Variants in PHLPP2 observed in about 807,000 individuals in gnomAD.
PHLPP2 encodes PH domain and leucine rich repeat protein phosphatase 2.
PHLPP2 carries 66 observed loss-of-function variants against 124.9 expected under a neutral mutation model. That is an observed-to-expected ratio of 0.53 (90% CI 0.43 to 0.65). PHLPP2 has a LOEUF of 0.65. Among genes scored for constraint, PHLPP2 ranks in the 30% least tolerant of loss-of-function variants. The probability of loss-of-function intolerance (pLI) is 0.00; values close to 1 mark genes in which losing one functional copy is unlikely to be tolerated. For synonymous variants in PHLPP2, 681 were observed against 624.7 expected, an observed-to-expected ratio of 1.09 and a Z score of -1.34; for missense variants, 1,685 against 1,600.4, an observed-to-expected ratio of 1.05 and a Z score of -0.90.
chr16:71,708,250 G>A (rs1373685767), intron 2 of PHLPP2, among the ~76,000 whole-genome samples: 1 of 152,098 alleles, frequency 6.6e-6, no homozygotes, highest in Admixed American at 6.6e-5. Flanking sequence ...ACATCCAGAT[G>A]GCCTGAGGCA....
intron 4 of PHLPP2, 34 bp downstream of exon 4, chr16:71,690,485 C>CT: frequency 7.2e-7 from 1 of 1,393,588 alleles, no homozygotes; most frequent in Non-Finnish European, 1.0e-6. Flanking sequence ...TTAAGATGAT[C>CT]AAATGAAAAA....
rs1234453846 is a variant in PHLPP2, at chr16:71,700,519, C to CTTTT, written c.418+2075_418+2078dup. Among the ~76,000 whole-genome samples, 541 of 83,346 alleles carry CTTTT rather than the reference C, an allele frequency of 6.5e-3. 3 individuals carry two copies. Among genetic ancestry groups the CTTTT allele is most frequent in the African/African-American group, 9.3e-3 (193 of 20,672 alleles). 54.7% of individuals were successfully genotyped at this position (83,346 alleles called of 152,430 possible). A position where few individuals can be genotyped will look rare whatever the true frequency, so the allele number is the denominator to read the frequency against. On this transcript the variant is annotated intron_variant, in intron 3 of 18. Transcript: ENST00000568954. ...ATGGGCTGTGTTTAGTGACTCATTT[C>CTTTT]TTTTTTTTTTTTTTTTTTTTTTTTG... is the stretch of plus-strand genomic sequence containing the variant.
chr16:71,693,447 C>A (rs1305524194), intron 3 of PHLPP2, among the ~76,000 whole-genome samples: 2 of 152,194 alleles, frequency 1.3e-5, no homozygotes, highest in African/African-American at 4.8e-5. Flanking sequence ...CTTCTCTTTT[C>A]AATCAATCAT....
chr16:71,655,229 C>A lies in PHLPP2; in HGVS notation c.2585+11G>T. ...GAACTGAGTTAGGGATTTTTCAACC[C>A]ACCTGCTTACCTGTGAGATACCAAG... is the stretch of plus-strand genomic sequence containing the variant. On this transcript the variant is annotated intron_variant, in intron 17 of 18. Coordinates refer to ENST00000568954, the MANE Select transcript of PHLPP2 (RefSeq NM_015020.3). The A allele has an allele frequency of 6.3e-7, 1 of 1,590,926 alleles. No individual in the cohort carries two copies. Among genetic ancestry groups the A allele is most frequent in the Non-Finnish European group, 8.6e-7 (1 of 1,159,958 alleles).
chr16:71,654,505 C>T (rs937528281), intron 17 of PHLPP2, among the ~76,000 whole-genome samples: 1 of 152,172 alleles, frequency 6.6e-6, no homozygotes, highest in Admixed American at 6.5e-5. Flanking sequence ...TCTCATGATG[C>T]TGGGCAGAGG....
At chr16:71,660,709 A>G (rs1378343194) in intron 13 of PHLPP2, among the ~76,000 whole-genome samples, 3 of 151,812 alleles carry the variant, frequency 2.0e-5, no homozygotes, top group Admixed American at 6.6e-5. Flanking sequence ...CGGCCTATAC[A>G]TTGTATTTAT....
At chr16:71,708,717 C>T (rs1597016662) in intron 2 of PHLPP2, among the ~76,000 whole-genome samples, 1 of 152,040 alleles carries the variant, frequency 6.6e-6, no homozygotes, top group Non-Finnish European at 1.5e-5. Context: ...ACCCAGGAAG[C>T]GGATGTTGCA....
At chr16:71,717,963 C>G (rs1430841361) in intron 1 of PHLPP2, among the ~76,000 whole-genome samples, 1 of 152,184 alleles carries the variant, frequency 6.6e-6, no homozygotes, top group Admixed American at 6.5e-5. Flanking sequence ...GTGATCATAG[C>G]CCACGGCAGC....
At chr16:71,697,735 C>A (rs1286012536) in intron 3 of PHLPP2, among the ~76,000 whole-genome samples, 1 of 151,728 alleles carries the variant, frequency 6.6e-6, no homozygotes, top group African/African-American at 2.4e-5. Flanking sequence ...CCCAGAGCTA[C>A]AACTTCCCTC....
rs779426486 is a variant in PHLPP2 at position 71,684,524 on chromosome 16, GCTGAC to G, written c.682_686del (p.Val228LeufsTer37). The G allele has an allele frequency of 6.2e-7, 1 of 1,613,932 alleles. No homozygotes were observed. The highest frequency in any genetic ancestry group is 8.5e-7 in the Non-Finnish European group (1 of 1,179,960). On this transcript the variant is annotated frameshift_variant, in exon 5 of 19. Transcript: ENST00000568954. LOFTEE classifies it high-confidence loss of function. ...GCTGGTACTCGGCCAAAGTCTCGAAGCTGACATGATAGGTCTGAGCTTGGGCTCCT... is the reference window on the plus strand; with the variant it reads ...GCTGGTACTCGGCCAAAGTCTCGAAGATGATAGGTCTGAGCTTGGGCTCCT...
intron 4 of PHLPP2, among the ~76,000 whole-genome samples, chr16:71,689,364 G>C (rs2045085233): frequency 6.8e-6 from 1 of 146,536 alleles, no homozygotes; most frequent in Non-Finnish European, 1.5e-5. Flanking sequence ...GACACTTCAG[G>C]CGCCACACCA....
At chr16:71,653,954 G>A (rs1357854929) in intron 17 of PHLPP2, among the ~76,000 whole-genome samples, 1 of 151,964 alleles carries the variant, frequency 6.6e-6, no homozygotes, top group African/African-American at 2.4e-5. Flanking sequence ...CCAGCACTTT[G>A]GGAGGCCGAG....
chr16:71,723,779 CG>C (rs1162084128), intron 1 of PHLPP2: 3 of 1,335,474 alleles, frequency 2.2e-6, no homozygotes, highest in East Asian at 6.9e-5. Context: ...CTTCAGGACC[CG>C]GATCCCTCCC....
intron 1 of PHLPP2, among the ~76,000 whole-genome samples, chr16:71,716,103 G>C (rs963107951): frequency 6.6e-6 from 1 of 151,716 alleles, no homozygotes; most frequent in African/African-American, 2.4e-5. Flanking sequence ...ATTTTATTTA[G>C]TTCAATATTG....
At chr16:71,655,852 AT>A (rs1432286716) in intron 16 of PHLPP2, among the ~76,000 whole-genome samples, 11 of 152,190 alleles carry the variant, frequency 7.2e-5, no homozygotes, top group African/African-American at 2.7e-4. Flanking sequence ...GCAAATCGTA[AT>A]CTACACGTAA....
chr16:71,669,475 AGGAACACTGTCTCCAAG>A, intron 10 of PHLPP2, 105 bp from the exon 11 acceptor site: 4 of 763,668 alleles, frequency 5.2e-6, no homozygotes, highest in Non-Finnish European at 8.8e-6. Flanking sequence ...CCTTGAGGGC[AGGAACACTGTCTCCAAG>A]GCATCCCTTG....
chr16:71,655,553 A>AG, intron 16 of PHLPP2, 119 bp from the exon 17 acceptor site: 1 of 675,098 alleles, frequency 1.5e-6, no homozygotes, highest in Non-Finnish European at 2.4e-6. Flanking sequence ...CCCAGGCTGG[A>AG]GTGCAGTGGC....
chr16:71,678,988 A>G lies in PHLPP2; in HGVS notation c.1038-3T>C. Reference sequence around the variant, plus strand: ...CATCAAGACAGAGGGTTTGAAGACTATAGGAAGAAAACAAAACAAGTCTAC... The same window carrying G: ...CATCAAGACAGAGGGTTTGAAGACTGTAGGAAGAAAACAAAACAAGTCTAC... On this transcript the variant is annotated splice_polypyrimidine_tract_variant and splice_region_variant and intron_variant, in intron 7 of 18. Coordinates refer to ENST00000568954, the MANE Select transcript of PHLPP2 (RefSeq NM_015020.3). 3 of 1,523,918 alleles carry G rather than the reference A, an allele frequency of 2.0e-6. No homozygotes were observed. Among genetic ancestry groups the G allele is most frequent in the Admixed American group, 1.7e-5 (1 of 59,570 alleles). 94.4% of individuals were successfully genotyped at this position (1,523,918 alleles called of 1,614,324 possible).
intron 5 of PHLPP2, 22 bp from the exon 6 acceptor site, chr16:71,681,927 A>G: frequency 6.4e-7 from 1 of 1,570,602 alleles, no homozygotes; most frequent in Non-Finnish European, 8.6e-7. Context: ...CAAAGAGAAG[A>G]GCCTTCTGAG....
Sources: gnomAD v4.1 joint callset for allele counts (sites outside exome capture counted in the v4.1 genomes callset) on GRCh38, gnomAD v4.1.1 for gene constraint, MANE v1.5 for transcripts, NCBI Gene and HGNC (gene_info 2026-07-23, HGNC 2026-07-21) for gene names.